KCNAB2: variants seen among roughly 807,000 people sequenced by gnomAD.
KCNAB2 encodes the protein voltage-gated potassium channel subunit beta-2.
A neutral mutation model predicts 63.6 loss-of-function variants in KCNAB2; 29 were observed. The ratio of observed to expected loss-of-function variants is 0.46; its 90% CI spans 0.34 to 0.62. The LOEUF (loss-of-function observed/expected upper bound fraction) is 0.62, where lower values mean the gene tolerates loss of function less well. Ranked by LOEUF, KCNAB2 falls within the 20% of genes least tolerant of loss-of-function variation. The probability of loss-of-function intolerance (pLI) is 0.01; values close to 1 mark genes in which losing one functional copy is unlikely to be tolerated. For missense variants in KCNAB2, 359 were observed against 563.9 expected, an observed-to-expected ratio of 0.64 and a Z score of 3.68; for synonymous variants, 222 against 224.2, an observed-to-expected ratio of 0.99 and a Z score of 0.09.
Position 6,096,628 on chromosome 1 carries a change from G to A in KCNAB2, c.949-8G>A, listed in dbSNP as rs138569470. On this transcript the variant is annotated splice_region_variant and splice_polypyrimidine_tract_variant and intron_variant, in intron 13 of 15. Transcript: ENST00000378083. The surrounding 1 kb of genome is among the most constrained non-coding windows in gnomAD (Gnocchi z 5.9). ...TGTAGCTGTGCTGCTCCCCTCCCCC[G>A]CAACCAGGGCTACCAGTGGCTGAAG... 56 of 1,608,686 alleles carry A rather than the reference G, an allele frequency of 3.5e-5. No individual in the cohort carries two copies. Among genetic ancestry groups the A allele is most frequent in the African/African-American group, 8.0e-5 (6 of 74,958 alleles).
intron 5 of KCNAB2, among the ~76,000 whole-genome samples, chr1:6,082,983 T>G (rs910289577): frequency 1.3e-5 from 2 of 152,138 alleles, no homozygotes; most frequent in Non-Finnish European, 2.9e-5. Context: ...GGTGGTTACC[T>G]GCAACTGCAG....
At chr1:6,052,824 A>G (rs564093879) in intron 2 of KCNAB2, among the ~76,000 whole-genome samples, 4 of 152,306 alleles carry the variant, frequency 2.6e-5, no homozygotes, top group African/African-American at 7.2e-5. Context: ...AATACGTTCC[A>G]TGCAATATTT....
At chr1:6,040,081 G>A (rs893188249) in intron 1 of KCNAB2, among the ~76,000 whole-genome samples, 2 of 152,208 alleles carry the variant, frequency 1.3e-5, no homozygotes, top group African/African-American at 4.8e-5. Flanking sequence ...CTGGAGTCAG[G>A]GCAAGGGACA....
rs1272035798 is a variant in KCNAB2, at chr1:6,086,590, GT to G, written c.426-876del. On this transcript the variant is annotated intron_variant, in intron 6 of 15. Coordinates refer to ENST00000378083, the MANE Select transcript of KCNAB2 (RefSeq NM_001199862.2). This position sits in a 1 kb window ranked among gnomAD's most constrained non-coding sequence, Gnocchi z 4.2. ...CCAGGAGGTCATTGTCACCCCCTGG[GT>G]GGGAAGTACTCCCTCCTCTGGGAGG... Among the ~76,000 whole-genome samples the G allele has an allele frequency of 6.6e-6, 1 of 152,116 alleles. No homozygotes were observed. The highest frequency in any genetic ancestry group is 2.4e-5 in the African/African-American group (1 of 41,438).
In KCNAB2 at chr1:6,024,185, A is replaced by G. The variant is rs1473293357; in HGVS notation, c.-52-16332A>G. ...TCGAACTCCTGACCTCAGGTGATCC[A>G]CCCATCTCGGCCTCCCAAAGTTCTG... On this transcript the variant is annotated intron_variant, in intron 1 of 16. Transcript: ENST00000341524. This position sits in a 1 kb window ranked among gnomAD's most constrained non-coding sequence, Gnocchi z 5.4. 6.6e-6 allele frequency among the ~76,000 whole-genome samples: 1 copy of G among 151,990 alleles called. No homozygotes were observed. The highest frequency in any genetic ancestry group is 1.5e-5 in the Non-Finnish European group (1 of 67,996).
Position 6,099,947 on chromosome 1 carries a change from A to G in KCNAB2, c.*1373A>G, listed in dbSNP as rs1406923699. 2 of 1,550,312 alleles carry G rather than the reference A, an allele frequency of 1.3e-6. No individual in the cohort carries two copies. The highest frequency in any genetic ancestry group is 2.4e-5 in the South Asian group (2 of 84,056). On this transcript the variant is annotated 3_prime_UTR_variant, in exon 16 of 16. Coordinates refer to ENST00000378083, the MANE Select transcript of KCNAB2 (RefSeq NM_001199862.2). ...CCTACAGGCCCAGGCCTGTGTCCCAAGCAGTACCCAGGCTTTGCAGACCAC... is the reference window on the plus strand; with the variant it reads ...CCTACAGGCCCAGGCCTGTGTCCCAGGCAGTACCCAGGCTTTGCAGACCAC...
At chr1:6,095,926 C>T (rs1478763224) in intron 13 of KCNAB2, among the ~76,000 whole-genome samples, 1 of 141,208 alleles carries the variant, frequency 7.1e-6, no homozygotes, top group Non-Finnish European at 1.6e-5. Context: ...CCCACCTCTG[C>T]CCCCCACCAC....
intron 1 of KCNAB2, among the ~76,000 whole-genome samples, chr1:6,047,780 G>A (rs751285051): frequency 6.6e-6 from 1 of 152,196 alleles, no homozygotes; most frequent in Non-Finnish European, 1.5e-5. Context: ...AACCTTCAGG[G>A]GAGTCCAGCG....
In KCNAB2 at chr1:6,078,989, G is replaced by A. The variant is rs1535033; in HGVS notation, c.301-3206G>A. Among the ~76,000 whole-genome samples the A allele has an allele frequency of 0.025, 3,765 of 152,340 alleles. 107 individuals carry two copies. The highest frequency in any genetic ancestry group is 0.092 in the Admixed American group (1,414 of 15,302). ...GGAGGCTCAGAGCAGGGTGGGCACCGTGGAGGTGGGGAGACGGGTCAGATT... is the reference window on the plus strand; with the variant it reads ...GGAGGCTCAGAGCAGGGTGGGCACCATGGAGGTGGGGAGACGGGTCAGATT... On this transcript the variant is annotated intron_variant, in intron 4 of 15. Coordinates refer to ENST00000378083, the MANE Select transcript of KCNAB2 (RefSeq NM_001199862.2). This position sits in a 1 kb window ranked among gnomAD's most constrained non-coding sequence, Gnocchi z 4.2.
intron 1 of KCNAB2, among the ~76,000 whole-genome samples, chr1:6,006,680 TCAGCTCAGCTCCCACATCCCCCACTTC>T (rs1398949433): frequency 7.1e-5 from 3 of 42,018 alleles, no homozygotes; most frequent in Non-Finnish European, 1.4e-4. Flanking sequence ...CCTCCACCCC[TCAGCTCAGCTCCCACATCCCCCACTTC>T]ACCCTCACTC....
intron 2 of KCNAB2, among the ~76,000 whole-genome samples, chr1:6,059,585 C>G (rs912099743): frequency 2.6e-5 from 4 of 152,170 alleles, no homozygotes; most frequent in African/African-American, 9.7e-5. Flanking sequence ...GGGAGCACCA[C>G]CCATGTGCTG....
chr1:6,015,029 T>G (rs113291939), intron 1 of KCNAB2, among the ~76,000 whole-genome samples: 5 of 141,386 alleles, frequency 3.5e-5, no homozygotes, highest in South Asian at 2.3e-4. Flanking sequence ...TTTTTTTTTT[T>G]TTTTTTTTTT....
rs2100755312 is a variant in KCNAB2, at chr1:6,089,023, G to A, written c.486G>A (p.Arg162=). 2 of 1,548,858 alleles carry A rather than the reference G, an allele frequency of 1.3e-6. No homozygotes were observed. The highest frequency in any genetic ancestry group is 2.4e-5 in the South Asian group (2 of 83,838). ...TGTTTTCCAGGGCGGAGACGGAGCGGGGCCTGTCCAGGAAGCACATAATCG... is the reference window on the plus strand; with the variant it reads ...TGTTTTCCAGGGCGGAGACGGAGCGAGGCCTGTCCAGGAAGCACATAATCG... ...IFWGGKAETE[R]GLSRKHIIEG... is the part of the protein sequence containing the mutation. Residue 162 remains arginine (R), a synonymous_variant, in exon 8 of 16, where the codon CGG becomes CGA. Coordinates refer to ENST00000378083, the MANE Select transcript of KCNAB2 (RefSeq NM_001199862.2).
At chr1:6,070,123 C>T (rs115776654) in intron 2 of KCNAB2, among the ~76,000 whole-genome samples, 78 of 152,312 alleles carry the variant, frequency 5.1e-4, no homozygotes, top group African/African-American at 1.6e-3. Context: ...CCAGGCCTCC[C>T]TTCTCGATGC....
chr1:6,046,196 T>C lies in KCNAB2; in HGVS notation c.-27+13T>C, dbSNP rs1254727979. On this transcript the variant is annotated intron_variant, in intron 1 of 15. Coordinates refer to ENST00000378083, the MANE Select transcript of KCNAB2 (RefSeq NM_001199862.2). ...CCCACGAAGGCAGGTGAGTCCTCCC[T>C]TCAGCCGCTACCTTCCTAGTGGAGA... The C allele has an allele frequency of 1.0e-6, 1 of 985,280 alleles. No individual in the cohort carries two copies. The highest frequency in any genetic ancestry group is 1.2e-6 in the Non-Finnish European group (1 of 829,906). 61.0% of individuals were successfully genotyped at this position (985,280 alleles called of 1,614,324 possible).
intron 1 of KCNAB2, among the ~76,000 whole-genome samples, chr1:6,000,602 T>A (rs1657198106): frequency 6.6e-6 from 1 of 150,538 alleles, no homozygotes. Context: ...CCCGCCGCTC[T>A]GCTGGTGTGA....
intron 2 of KCNAB2, among the ~76,000 whole-genome samples, chr1:6,056,971 C>T (rs774400831): frequency 1.3e-5 from 2 of 151,988 alleles, no homozygotes; most frequent in Non-Finnish European, 2.9e-5. Context: ...GCTCTTTGCC[C>T]ATCTGCACTG....
intron 11 of KCNAB2, 147 bp downstream of exon 11, chr1:6,094,632 G>A: frequency 1.5e-6 from 1 of 653,972 alleles, no homozygotes; most frequent in Admixed American, 2.5e-5. Context: ...GGATGGTGGA[G>A]TGTGGTGGTT....
Position 6,073,483 on chromosome 1 carries a change from C to T in KCNAB2, c.263-250C>T, listed in dbSNP as rs1462178565. Among the ~76,000 whole-genome samples the T allele has an allele frequency of 6.6e-6, 1 of 152,232 alleles. No individual in the cohort carries two copies. Among genetic ancestry groups the T allele is most frequent in the African/African-American group, 2.4e-5 (1 of 41,452 alleles). On this transcript the variant is annotated intron_variant, in intron 3 of 15. Coordinates refer to ENST00000378083, the MANE Select transcript of KCNAB2 (RefSeq NM_001199862.2). The surrounding 1 kb of genome is among the most constrained non-coding windows in gnomAD (Gnocchi z 5.7). ...GCTCTGACCAGCATTTCAAAAGCCC[C>T]AGACCTCCTGGACCCATAGCCAGCA... is the stretch of plus-strand genomic sequence containing the variant.
Sources: allele counts gnomAD v4.1 joint callset (sites outside exome capture counted in the v4.1 genomes callset), GRCh38; gene constraint gnomAD v4.1.1; non-coding constraint Gnocchi (gnomAD v3.1); transcripts MANE v1.5; gene names NCBI Gene and HGNC (gene_info 2026-07-23, HGNC 2026-07-21).